CCBE1: variants seen among roughly 807,000 people sequenced by gnomAD.
CCBE1 encodes the protein collagen and calcium-binding EGF domain-containing protein 1.
A neutral mutation model predicts 50.0 loss-of-function variants in CCBE1; 37 were observed. The ratio of observed to expected loss-of-function variants is 0.74; its 90% CI spans 0.57 to 0.97. The LOEUF is 0.97. CCBE1 is among the 50% of genes least tolerant of loss of function. The pLI, the probability that CCBE1 is intolerant of heterozygous loss-of-function variation, is 0.00. For missense variants in CCBE1, 538 were observed against 523.8 expected, an observed-to-expected ratio of 1.03 and a Z score of -0.26; for synonymous variants, 234 against 203.7, an observed-to-expected ratio of 1.15 and a Z score of -1.27.
chr18:59,450,666 T>TG (rs1353067086), intron 6 of CCBE1, among the ~76,000 whole-genome samples: 1 of 152,196 alleles, frequency 6.6e-6, no homozygotes, highest in African/African-American at 2.4e-5. Context: ...CCCGAGTAGA[T>TG]GGAGATTACA....
At chr18:59,676,488 T>C (rs1241520704) in intron 2 of CCBE1, among the ~76,000 whole-genome samples, 1 of 152,214 alleles carries the variant, frequency 6.6e-6, no homozygotes, top group Non-Finnish European at 1.5e-5. Flanking sequence ...ATAACTGCCT[T>C]ATATATGGAA....
At chr18:59,463,623 T>C (rs551470419) in intron 5 of CCBE1, among the ~76,000 whole-genome samples, 6 of 152,122 alleles carry the variant, frequency 3.9e-5, no homozygotes, top group Admixed American at 2.0e-4. Flanking sequence ...CTAGTGATGG[T>C]TGGTCTCCCC....
Position 59,438,148 on chromosome 18 carries a change from T to A in CCBE1, c.952-2A>T. 2 of 1,614,052 alleles carry A rather than the reference T, an allele frequency of 1.2e-6. No individual in the cohort carries two copies. Among genetic ancestry groups the A allele is most frequent in the Non-Finnish European group, 1.7e-6 (2 of 1,179,982 alleles). On this transcript the variant is annotated splice_acceptor_variant, in intron 9 of 10. Transcript: ENST00000439986. LOFTEE classifies it high-confidence loss of function. Reference sequence around the variant, plus strand: ...GGGCCCAGGCGCTCCTCTCTCCCCCTAAAAACAGAAAGGCCAGGGTTAGCT... The same window carrying A: ...GGGCCCAGGCGCTCCTCTCTCCCCCAAAAAACAGAAAGGCCAGGGTTAGCT...
At chr18:59,498,687 A>C (rs1268995888) in intron 2 of CCBE1, among the ~76,000 whole-genome samples, 1 of 152,258 alleles carries the variant, frequency 6.6e-6, no homozygotes, top group Non-Finnish European at 1.5e-5. Context: ...ACGTTAGTGC[A>C]TAATTCATTT....
intron 2 of CCBE1, among the ~76,000 whole-genome samples, chr18:59,628,755 C>G (rs548475836): frequency 4.6e-5 from 7 of 152,306 alleles, no homozygotes; most frequent in African/African-American, 1.7e-4. Context: ...TCCTTCCTCT[C>G]AAGTGGAACA....
chr18:59,497,865 T>C (rs1241341472), intron 2 of CCBE1, among the ~76,000 whole-genome samples: 1 of 152,118 alleles, frequency 6.6e-6, no homozygotes, highest in Non-Finnish European at 1.5e-5. Flanking sequence ...TCCCAGCCAA[T>C]CCAGCCGCCT....
chr18:59,498,375 A>C (rs991187417), intron 2 of CCBE1, among the ~76,000 whole-genome samples: 1 of 152,234 alleles, frequency 6.6e-6, no homozygotes, highest in South Asian at 2.1e-4. Context: ...GTGTTTTATC[A>C]AAAGCTCAAA....
intron 2 of CCBE1, among the ~76,000 whole-genome samples, chr18:59,650,625 G>T (rs532685719): frequency 6.6e-6 from 1 of 151,286 alleles, no homozygotes; most frequent in Non-Finnish European, 1.5e-5. Context: ...TGATGCCCTG[G>T]GAAAGCTCAC....
intron 2 of CCBE1, among the ~76,000 whole-genome samples, chr18:59,560,021 T>C (rs1184485835): frequency 6.6e-6 from 1 of 152,138 alleles, no homozygotes; most frequent in Non-Finnish European, 1.5e-5. Context: ...CTACCATATG[T>C]CATGGTCTTA....
chr18:59,461,383 TG>T (rs996131898), intron 5 of CCBE1, among the ~76,000 whole-genome samples: 200 of 151,666 alleles, frequency 1.3e-3, no homozygotes, highest in African/African-American at 4.6e-3. Context: ...ATGACTTTAA[TG>T]TTCAGGGCAT....
chr18:59,596,727 A>G (rs2053356303), intron 2 of CCBE1, among the ~76,000 whole-genome samples: 1 of 152,190 alleles, frequency 6.6e-6, no homozygotes, highest in African/African-American at 2.4e-5. Context: ...GTCCATTTCC[A>G]TCACGTAGCA....
intron 2 of CCBE1, among the ~76,000 whole-genome samples, chr18:59,551,087 A>G (rs527776620): frequency 2.0e-5 from 3 of 151,836 alleles, no homozygotes; most frequent in Non-Finnish European, 2.9e-5. Flanking sequence ...GTCATGCATT[A>G]TAAGTTCTAA....
At chr18:59,651,251 T>A (rs1249825985) in intron 2 of CCBE1, among the ~76,000 whole-genome samples, 3 of 152,224 alleles carry the variant, frequency 2.0e-5, no homozygotes, top group Non-Finnish European at 2.9e-5. Flanking sequence ...CTTGGCACCA[T>A]GAAGCAAGTT....
At chr18:59,560,951 G>A (rs1278302828) in intron 2 of CCBE1, among the ~76,000 whole-genome samples, 2 of 152,238 alleles carry the variant, frequency 1.3e-5, no homozygotes, top group Non-Finnish European at 2.9e-5. Flanking sequence ...TGCAAGATAA[G>A]GCCATGGGGC....
At position 59,462,187 on chromosome 18, in the gene CCBE1, T is replaced by C. The variant is rs73963219; in HGVS notation, c.553+4552A>G. Among the ~76,000 whole-genome samples, 997 of 152,296 alleles carry C rather than the reference T, an allele frequency of 6.5e-3. 13 individuals are homozygous for C. Among genetic ancestry groups the C allele is most frequent in the African/African-American group, 0.022 (908 of 41,566 alleles). On this transcript the variant is annotated intron_variant, in intron 5 of 10. Coordinates refer to ENST00000439986, the MANE Select transcript of CCBE1 (RefSeq NM_133459.4). ...AATGGAAGGTAGTATCCTACTTCCA[T>C]TCATCAGATGCCATGCAGTCTACAG...
intron 2 of CCBE1, among the ~76,000 whole-genome samples, chr18:59,537,890 G>A (rs982388661): frequency 6.6e-6 from 1 of 152,154 alleles, no homozygotes; most frequent in Non-Finnish European, 1.5e-5. Context: ...TCACTTTCCT[G>A]TTTGTAAAGT....
intron 2 of CCBE1, among the ~76,000 whole-genome samples, chr18:59,481,010 G>A (rs1468325405): frequency 6.6e-6 from 1 of 152,124 alleles, no homozygotes; most frequent in Non-Finnish European, 1.5e-5. Flanking sequence ...GACAATCAAT[G>A]CTGCAATCTC....
At chr18:59,679,731 G>C (rs879504286) in intron 2 of CCBE1, among the ~76,000 whole-genome samples, 1 of 152,164 alleles carries the variant, frequency 6.6e-6, no homozygotes, top group Non-Finnish European at 1.5e-5. Flanking sequence ...TTGAGGATGC[G>C]CGTCCATGAC....
intron 2 of CCBE1, among the ~76,000 whole-genome samples, chr18:59,649,152 A>G (rs1372498846): frequency 6.6e-6 from 1 of 152,220 alleles, no homozygotes; most frequent in African/African-American, 2.4e-5. Context: ...CAGGACTGTT[A>G]CCAGACATGA....
Sources: allele counts gnomAD v4.1 joint callset (sites outside exome capture counted in the v4.1 genomes callset), GRCh38; gene constraint gnomAD v4.1.1; transcripts MANE v1.5; gene names NCBI Gene and HGNC (gene_info 2026-07-23, HGNC 2026-07-21).